ABI1: variants seen among roughly 807,000 people sequenced by gnomAD.
The protein encoded by ABI1 is abl interactor 1.
A neutral mutation model predicts 54.6 loss-of-function variants in ABI1; 14 were observed. The ratio of observed to expected loss-of-function variants is 0.26; its 90% confidence interval spans 0.17 to 0.40. The LOEUF (loss-of-function observed/expected upper bound fraction) is 0.40, where lower values mean the gene tolerates loss of function less well. Among genes scored for constraint, ABI1 ranks in the 10% least tolerant of loss-of-function variants. The pLI is 1.00. For synonymous variants in ABI1, 194 were observed against 209.3 expected (o/e 0.93, Z 0.63); for missense variants, 443 against 598.3 (o/e 0.74, Z 2.71).
In ABI1 at chr10:26,851,348, A is replaced by ATTTTTTTTTTTT. The variant is rs397724445; in HGVS notation, c.117+9387_117+9398dup. Among the ~76,000 whole-genome samples, 4 of 67,810 alleles carry ATTTTTTTTTTTT rather than the reference A, an allele frequency of 5.9e-5. 1 individual carries two copies. Among genetic ancestry groups the ATTTTTTTTTTTT allele is most frequent in the South Asian group, 7.5e-4 (1 of 1,342 alleles). The allele number at this position is 67,810 out of a possible 152,430, so 44.5% of individuals were successfully genotyped here. On this transcript the variant is annotated intron_variant, in intron 1 of 10. Transcript: ENST00000376140. ...GTAGCTGGGACTACAGACTAAGCTAATTTTTTTTTTTTTTTTTTTTTTTTT... is the reference window on the plus strand; with the variant it reads ...GTAGCTGGGACTACAGACTAAGCTAATTTTTTTTTTTTTTTTTTTTTTTTTTTTTTTTTTTTT...
intron 2 of ABI1, among the ~76,000 whole-genome samples, chr10:26,805,833 GAGA>G (rs1484762364): frequency 9.8e-5 from 15 of 152,304 alleles, no homozygotes; most frequent in African/African-American, 3.4e-4. Context: ...ACAAGAAGCA[GAGA>G]AGAAGCCAAA....
chr10:26,822,179 C>G (rs969954705), intron 2 of ABI1, among the ~76,000 whole-genome samples: 2 of 152,118 alleles, frequency 1.3e-5, no homozygotes, highest in Non-Finnish European at 2.9e-5. Context: ...TATATACATA[C>G]ACACACATAT....
chr10:26,833,363 A>G (rs2048812612), intron 1 of ABI1, among the ~76,000 whole-genome samples: 1 of 152,212 alleles, frequency 6.6e-6, no homozygotes. Flanking sequence ...CCCAATAACT[A>G]GATAATTAGC....
chr10:26,817,130 G>C (rs1192574935), intron 2 of ABI1, among the ~76,000 whole-genome samples: 2 of 151,832 alleles, frequency 1.3e-5, no homozygotes, highest in African/African-American at 4.8e-5. Flanking sequence ...CTCCTGAGTA[G>C]GTGGGATTAC....
intron 2 of ABI1, among the ~76,000 whole-genome samples, chr10:26,811,769 ATT>A (rs2047247903): frequency 6.4e-5 from 1 of 15,586 alleles, no homozygotes; most frequent in African/African-American, 1.3e-4. Flanking sequence ...ATTTGTATAA[ATT>A]TGTATAAATT....
chr10:26,833,218 C>T (rs1016390598), intron 1 of ABI1, among the ~76,000 whole-genome samples: 1 of 152,008 alleles, frequency 6.6e-6, no homozygotes, highest in African/African-American at 2.4e-5. Context: ...TTGGGGCATA[C>T]TCTCTTCTTT....
chr10:26,804,518 GA>G (rs1329095052), intron 2 of ABI1, among the ~76,000 whole-genome samples: 1 of 152,144 alleles, frequency 6.6e-6, no homozygotes, highest in Non-Finnish European at 1.5e-5. Context: ...GCATGGTTAG[GA>G]AAACTTAAGA....
chr10:26,812,452 G>A (rs1305585762), intron 2 of ABI1, among the ~76,000 whole-genome samples: 1 of 152,194 alleles, frequency 6.6e-6, no homozygotes, highest in Admixed American at 6.5e-5. Flanking sequence ...AATGACAAAT[G>A]ACACTTATCA....
chr10:26,785,730 A>T (rs574698389), intron 2 of ABI1, among the ~76,000 whole-genome samples: 14 of 152,010 alleles, frequency 9.2e-5, no homozygotes, highest in African/African-American at 3.4e-4. Flanking sequence ...GTCTGGGAAA[A>T]AAAAAAAAAA....
intron 1 of ABI1, among the ~76,000 whole-genome samples, chr10:26,839,046 T>C (rs2134027680): frequency 6.6e-6 from 1 of 152,360 alleles, no homozygotes; most frequent in African/African-American, 2.4e-5. Context: ...AGAAAGTAAA[T>C]GTTCTCAGGA....
intron 2 of ABI1, among the ~76,000 whole-genome samples, chr10:26,796,329 T>G (rs1844163498): frequency 6.6e-6 from 1 of 152,214 alleles, no homozygotes; most frequent in South Asian, 2.1e-4. Context: ...TCACACCACA[T>G]AATAACAATA....
rs1467736854 is a variant in ABI1 at position 26,811,918 on chromosome 10, C to T, written c.285+11220G>A. On this transcript the variant is annotated intron_variant, in intron 2 of 10. Transcript: ENST00000376140. ...GGCCAGAAATCTGAACAAAATCTTA[C>T]AGGATCAAATCCAAGAGTGAGCAGG... 2.0e-5 allele frequency among the ~76,000 whole-genome samples: 3 copies of T among 152,182 alleles called. No homozygotes were observed. In the East Asian group the frequency reaches 5.8e-4, roughly 29 times the overall value.
chr10:26,799,210 T>A (rs1485248029), intron 2 of ABI1, among the ~76,000 whole-genome samples: 1 of 151,930 alleles, frequency 6.6e-6, no homozygotes, highest in East Asian at 1.9e-4. Context: ...AGACAAATCT[T>A]TAAAAACAGA....
intron 3 of ABI1, 72 bp from the exon 4 acceptor site, chr10:26,771,161 G>T (rs1168306289): frequency 1.3e-5 from 19 of 1,503,456 alleles, no homozygotes; most frequent in South Asian, 4.5e-5. Context: ...GATAGGACAG[G>T]TTTACATTTA....
chr10:26,813,250 C>A (rs1468029435), intron 2 of ABI1, among the ~76,000 whole-genome samples: 2 of 148,520 alleles, frequency 1.3e-5, no homozygotes, highest in African/African-American at 5.0e-5. Flanking sequence ...TTCCATCCCC[C>A]CGCCAAAAAA....
At chr10:26,753,027 T>C (rs1388452708) in intron 9 of ABI1, among the ~76,000 whole-genome samples, 2 of 152,162 alleles carry the variant, frequency 1.3e-5, no homozygotes, top group East Asian at 3.8e-4. Flanking sequence ...CTATCTGTCA[T>C]ATAGGTTTAA....
At chr10:26,816,508 TGA>T (rs1333830266) in intron 2 of ABI1, among the ~76,000 whole-genome samples, 1 of 152,180 alleles carries the variant, frequency 6.6e-6, no homozygotes, top group East Asian at 1.9e-4. Context: ...GATAAAATGT[TGA>T]GAGGAGCTGA....
chr10:26,810,219 T>C (rs1357376623), intron 2 of ABI1, among the ~76,000 whole-genome samples: 1 of 152,136 alleles, frequency 6.6e-6, no homozygotes, highest in Non-Finnish European at 1.5e-5. Context: ...GGTGTCAGAA[T>C]ACCAAACCCC....
intron 2 of ABI1, among the ~76,000 whole-genome samples, chr10:26,791,068 CA>C (rs369738380): frequency 0.2 from 12,006 of 59,252 alleles, 470 homozygotes; most frequent in African/African-American, 0.4. Flanking sequence ...GATTCCGTCT[CA>C]AAAAAAAAAA....
Sources: allele counts gnomAD v4.1 joint callset (sites outside exome capture counted in the v4.1 genomes callset), GRCh38; gene constraint gnomAD v4.1.1; transcripts MANE v1.5; gene names NCBI Gene and HGNC (gene_info 2026-07-23, HGNC 2026-07-21).